The following TBC1D1 variants were observed in gnomAD, a reference collection of about 807,000 sequenced individuals.
The protein encoded by TBC1D1 is TBC1 (tre-2/USP6, BUB2, cdc16) domain family, member 1.
In TBC1D1, 89 loss-of-function variants were observed where a neutral mutation model predicts 125.6. The ratio of observed to expected loss-of-function variants is 0.71; its 90% CI spans 0.60 to 0.85. The LOEUF (loss-of-function observed/expected upper bound fraction) is 0.85, where lower values mean the gene tolerates loss of function less well. Ranked by LOEUF, TBC1D1 falls within the 40% of genes least tolerant of loss-of-function variation. The pLI is 0.00. For missense variants in TBC1D1, 1,377 were observed against 1,469.2 expected (o/e 0.94, Z 1.03); for synonymous variants, 565 against 564.1 (o/e 1.00, Z -0.02).
chr4:38,077,834 G>A lies in TBC1D1; in HGVS notation c.2051-12098G>A, dbSNP rs770298023. ...GCACTCCATGATAATCCAGGGACTCGGAAGCACATGTTATGCGTCACCCTG... is the reference window on the plus strand; with the variant it reads ...GCACTCCATGATAATCCAGGGACTCAGAAGCACATGTTATGCGTCACCCTG... On this transcript the variant is annotated intron_variant, in intron 12 of 19. Coordinates refer to ENST00000261439, the MANE Select transcript of TBC1D1 (RefSeq NM_015173.4). Among the ~76,000 whole-genome samples the A allele has an allele frequency of 8.5e-5, 13 of 152,106 alleles. No homozygotes were observed. The East Asian group carries it at 2.1e-3, about 25-fold the overall frequency.
At chr4:38,085,520 G>A (rs1757340991) in intron 12 of TBC1D1, among the ~76,000 whole-genome samples, 1 of 152,170 alleles carries the variant, frequency 6.6e-6, no homozygotes, top group African/African-American at 2.4e-5. Flanking sequence ...TGGGGGACTG[G>A]AACCCAGAAG....
At position 38,125,004 on chromosome 4, in the gene TBC1D1, C is replaced by A. The variant is rs759153196; in HGVS notation, c.3005C>A (p.Ala1002Asp). 2 of 1,614,078 alleles carry A rather than the reference C, an allele frequency of 1.2e-6. No homozygotes were observed. The highest frequency in any genetic ancestry group is 1.7e-6 in the Non-Finnish European group (2 of 1,180,002). Residue 1002 changes from alanine to aspartate, a missense_variant, in exon 18 of 20, where the codon GCT becomes GAT. This residue lies in a region of TBC1D1 where 543 missense variants were observed against 613.5 expected (regional missense o/e 0.89). Transcript: ENST00000261439. The stretch of plus-strand genomic sequence containing the variant: ...GGAACAGAGGTCATATTTAAAGTGG[C>A]TTTAAGTCTGTTGGGAAGCCATAAG...
At chr4:38,037,763 G>A (rs1330579135) in intron 8 of TBC1D1, among the ~76,000 whole-genome samples, 1 of 152,186 alleles carries the variant, frequency 6.6e-6, no homozygotes, top group South Asian at 2.1e-4. Context: ...TGTCAGGGTC[G>A]GCAGGGAGGC....
At chr4:38,036,541 C>T (rs1296311447) in intron 8 of TBC1D1, among the ~76,000 whole-genome samples, 7 of 152,196 alleles carry the variant, frequency 4.6e-5, no homozygotes, top group Admixed American at 6.5e-5. Flanking sequence ...TCCCCACGTA[C>T]GTGTTCCAAA....
rs1316777635 is a variant in TBC1D1, at chr4:38,033,518, G to A, written c.1303-2070G>A. On this transcript the variant is annotated intron_variant, in intron 7 of 19. Coordinates refer to ENST00000261439, the MANE Select transcript of TBC1D1 (RefSeq NM_015173.4). ...TTTAACATATCTTGCATTACTGAGG[G>A]TTTCTTCATTATAATTGATGAGCCA... 5.3e-5 allele frequency among the ~76,000 whole-genome samples: 8 copies of A among 152,140 alleles called. No individual in the cohort carries two copies. In the South Asian group the frequency reaches 1.7e-3, roughly 32 times the overall value.
chr4:38,006,716 T>A, intron 2 of TBC1D1: 1 of 356,876 alleles, frequency 2.8e-6, no homozygotes, highest in South Asian at 2.5e-5. Context: ...CCTGACCTTG[T>A]GATCCGCCCA....
intron 12 of TBC1D1, among the ~76,000 whole-genome samples, chr4:38,071,651 GCTTTA>G (rs1299937037): frequency 4.6e-5 from 7 of 152,166 alleles, no homozygotes. Context: ...TGCCGTTGCT[GCTTTA>G]CTCTTCCTGA....
At chr4:38,089,070 T>G (rs1170524348) in intron 12 of TBC1D1, among the ~76,000 whole-genome samples, 1 of 152,220 alleles carries the variant, frequency 6.6e-6, no homozygotes, top group Admixed American at 6.5e-5. Flanking sequence ...TATAAAGCTG[T>G]GTAATTTAGA....
chr4:38,004,431 C>G (rs757211634), intron 2 of TBC1D1, among the ~76,000 whole-genome samples: 1 of 152,202 alleles, frequency 6.6e-6, no homozygotes, highest in Admixed American at 6.5e-5. Flanking sequence ...GGGATTTATA[C>G]TCGTCACACA....
intron 2 of TBC1D1, among the ~76,000 whole-genome samples, chr4:37,984,887 G>GA (rs1735116099): frequency 6.6e-6 from 1 of 151,484 alleles, no homozygotes; most frequent in Non-Finnish European, 1.5e-5. Context: ...TTTTATTTTA[G>GA]AATGCACAGT....
At chr4:37,892,986 T>A (rs1380989666) in intron 1 of TBC1D1, among the ~76,000 whole-genome samples, 1 of 152,060 alleles carries the variant, frequency 6.6e-6, no homozygotes, top group Non-Finnish European at 1.5e-5. Context: ...GCGGGTGGCT[T>A]TTTTGTGGTC....
At chr4:38,080,065 C>T (rs1756289733) in intron 12 of TBC1D1, among the ~76,000 whole-genome samples, 1 of 152,188 alleles carries the variant, frequency 6.6e-6, no homozygotes, top group Non-Finnish European at 1.5e-5. Flanking sequence ...TAACAAGCTC[C>T]CAGGTGGTGT....
chr4:37,925,204 C>T (rs1420380526), intron 2 of TBC1D1, among the ~76,000 whole-genome samples: 2 of 152,176 alleles, frequency 1.3e-5, no homozygotes, highest in Non-Finnish European at 2.9e-5. Flanking sequence ...GAAGAAAGTG[C>T]GATCACCCTG....
intron 11 of TBC1D1, 62 bp downstream of exon 13, chr4:38,053,287 T>C: frequency 8.1e-7 from 1 of 1,238,104 alleles, no homozygotes. Flanking sequence ...TCATTAGATA[T>C]ACAAGGGTGT....
At chr4:37,987,983 AG>A (rs1334106809) in intron 2 of TBC1D1, among the ~76,000 whole-genome samples, 1 of 152,354 alleles carries the variant, frequency 6.6e-6, no homozygotes. Context: ...AGGCAGTAGC[AG>A]GCGTGGGGTG....
intron 2 of TBC1D1, among the ~76,000 whole-genome samples, chr4:37,916,960 G>C (rs900023158): frequency 2.0e-5 from 3 of 151,478 alleles, no homozygotes; most frequent in Non-Finnish European, 4.4e-5. Flanking sequence ...TGGTAGACAC[G>C]GGATTTCACC....
At chr4:38,121,017 G>A (rs2152595975) in intron 17 of TBC1D1, among the ~76,000 whole-genome samples, 1 of 152,234 alleles carries the variant, frequency 6.6e-6, no homozygotes, top group East Asian at 1.9e-4. Context: ...AGGCTTCAGA[G>A]AGACTTTAGG....
intron 2 of TBC1D1, among the ~76,000 whole-genome samples, chr4:37,941,455 C>A (rs116386060): frequency 6.6e-6 from 1 of 151,810 alleles, no homozygotes; most frequent in East Asian, 1.9e-4. Flanking sequence ...TCAATTTTAT[C>A]GATCTTTTCA....
At position 38,014,432 on chromosome 4, in the gene TBC1D1, A is replaced by C. The variant is rs1415618785; in HGVS notation, c.418-77A>C. 1 of 1,460,796 alleles carries C rather than the reference A, an allele frequency of 6.8e-7. No individual in the cohort carries two copies. The highest frequency in any genetic ancestry group is 9.4e-7 in the Non-Finnish European group (1 of 1,060,270). 90.5% of individuals were successfully genotyped at this position (1,460,796 alleles called of 1,614,324 possible). ...GTGGAGTAGCCAGCGGGGCGTCCCG[A>C]AAGAGCATGGTGCATTCATTCCGTG... is the stretch of plus-strand genomic sequence containing the variant. On this transcript the variant is annotated intron_variant, in intron 2 of 19. Coordinates refer to ENST00000261439, the MANE Select transcript of TBC1D1 (RefSeq NM_015173.4). This position sits in a 1 kb window ranked among gnomAD's most constrained non-coding sequence, Gnocchi z 5.1.
Sources: allele counts gnomAD v4.1 joint callset (sites outside exome capture counted in the v4.1 genomes callset), GRCh38; gene constraint gnomAD v4.1.1; regional missense constraint gnomAD v4.1.1; non-coding constraint Gnocchi (gnomAD v3.1); transcripts MANE v1.5; gene names NCBI Gene and HGNC (gene_info 2026-07-23, HGNC 2026-07-21).